ARIH2: variants seen among roughly 807,000 people sequenced by gnomAD.
ARIH2 encodes E3 ubiquitin-protein ligase ARIH2.
ARIH2 carries 12 observed loss-of-function variants against 79.8 expected under a neutral mutation model. The ratio of observed to expected loss-of-function variants is 0.15; its 90% CI spans 0.10 to 0.24. ARIH2 has a LOEUF of 0.24. Ranked by LOEUF, ARIH2 falls within the 10% of genes least tolerant of loss-of-function variation. The probability of loss-of-function intolerance (pLI) is 1.00; values close to 1 mark genes in which losing one functional copy is unlikely to be tolerated. For missense variants in ARIH2, 301 were observed against 618.3 expected, an observed-to-expected ratio of 0.49 and a Z score of 5.44; for synonymous variants, 224 against 213.9, an observed-to-expected ratio of 1.05 and a Z score of -0.41.
At chr3:48,931,353 G>A (rs2086328353) in intron 3 of ARIH2, among the ~76,000 whole-genome samples, 1 of 151,602 alleles carries the variant, frequency 6.6e-6, no homozygotes. Flanking sequence ...AGATCATCCT[G>A]GCTAACACGG....
chr3:48,974,143 C>T (rs1178309129), intron 9 of ARIH2, among the ~76,000 whole-genome samples: 1 of 152,178 alleles, frequency 6.6e-6, no homozygotes, highest in Non-Finnish European at 1.5e-5. Flanking sequence ...AATAGCCACA[C>T]TTGATACATA....
intron 7 of ARIH2, 26 bp from the exon 8 acceptor site, chr3:48,970,569 A>T (rs753199645): frequency 6.6e-7 from 1 of 1,505,368 alleles, no homozygotes; most frequent in Non-Finnish European, 9.2e-7. Flanking sequence ...AGATGTCCTC[A>T]TTGTTTCCTC....
At position 48,974,448 on chromosome 3, in the gene ARIH2, T is replaced by G. The variant is rs151290953; in HGVS notation, c.889-369T>G. 1.7e-3 allele frequency among the ~76,000 whole-genome samples: 256 copies of G among 152,332 alleles called. 1 individual carries two copies. Among genetic ancestry groups the G allele is most frequent in the Non-Finnish European group, 3.1e-3 (209 of 68,030 alleles). On this transcript the variant is annotated intron_variant, in intron 9 of 15. Coordinates refer to ENST00000356401, the MANE Select transcript of ARIH2 (RefSeq NM_006321.4). Reference sequence around the variant, plus strand: ...CTTGCCCTCTTCTCGAAGCAGAAGTTCAGGCAAGCTGACCAGGACTGAATC... The same window carrying G: ...CTTGCCCTCTTCTCGAAGCAGAAGTGCAGGCAAGCTGACCAGGACTGAATC...
rs533938477 is a variant in ARIH2, at chr3:48,925,801, C to T, written c.-97-1661C>T. Reference sequence around the variant, plus strand: ...TGGCGGGATCTCGGCTCACTGCAACCTCCGACTCCCTCGTTCAAGTGATTC... The same window carrying T: ...TGGCGGGATCTCGGCTCACTGCAACTTCCGACTCCCTCGTTCAAGTGATTC... On this transcript the variant is annotated intron_variant, in intron 2 of 15. Transcript: ENST00000356401. Among the ~76,000 whole-genome samples, 697 of 151,708 alleles carry T rather than the reference C, an allele frequency of 4.6e-3. 4 individuals carry two copies. The highest frequency in any genetic ancestry group is 7.8e-3 in the Non-Finnish European group (529 of 67,954).
chr3:48,939,630 C>A (rs1305162654), intron 3 of ARIH2, among the ~76,000 whole-genome samples: 2 of 150,898 alleles, frequency 1.3e-5, no homozygotes, highest in Non-Finnish European at 3.0e-5. Flanking sequence ...TGGTGGTGGG[C>A]GCCTGTAGTC....
intron 3 of ARIH2, among the ~76,000 whole-genome samples, chr3:48,937,288 T>C (rs1013568037): frequency 5.3e-5 from 8 of 152,212 alleles, no homozygotes; most frequent in Non-Finnish European, 1.0e-4. Context: ...CTTGCCTCTT[T>C]TTACAAGAAA....
At position 48,967,149 on chromosome 3, in the gene ARIH2, C is replaced by A; in HGVS notation, c.412C>A (p.His138Asn). The change falls in exon 6 of 16, where the codon CAC (histidine) becomes AAC (asparagine). Residue 138 changes from histidine to asparagine, a missense_variant. Physicochemically the swap from His to Asn is moderately conservative, Grantham distance 68. Around this residue, in one of 2 missense-constraint regions of ARIH2, gnomAD observed 223 missense variants for 349.4 expected, o/e 0.64. Coordinates refer to ENST00000356401, the MANE Select transcript of ARIH2 (RefSeq NM_006321.4). ...GGTTCCCACATCCCATCCCCCTCACCACTGTGCAGTGTGTATGCAGTTTGT... is the reference window on the plus strand; with the variant it reads ...GGTTCCCACATCCCATCCCCCTCACAACTGTGCAGTGTGTATGCAGTTTGT... ...KHVPTSHPPH[H>N]CAVCMQFVRK... 1 of 1,614,148 alleles carries A rather than the reference C, an allele frequency of 6.2e-7. No individual in the cohort carries two copies. The highest frequency in any genetic ancestry group is 1.1e-5 in the South Asian group (1 of 91,074).
chr3:48,983,105 C>A, intron 15 of ARIH2, 94 bp from the exon 16 acceptor site: 2 of 1,532,220 alleles, frequency 1.3e-6, no homozygotes, highest in Non-Finnish European at 1.8e-6. Flanking sequence ...GTGTTTTTGA[C>A]TCCTTGGAGG....
intron 9 of ARIH2, 28 bp downstream of exon 9, chr3:48,973,844 AT>A (rs780601089): frequency 6.4e-6 from 10 of 1,552,264 alleles, no homozygotes; most frequent in Non-Finnish European, 8.9e-6. Flanking sequence ...CCTCTCATGG[AT>A]TTGCCCTCCT....
chr3:48,978,395 T>C (rs982416546), intron 11 of ARIH2, among the ~76,000 whole-genome samples: 1 of 148,408 alleles, frequency 6.7e-6, no homozygotes, highest in Non-Finnish European at 1.5e-5. Flanking sequence ...TACTGGCATG[T>C]GCCACCACAC....
At chr3:48,949,217 A>G (rs574947992) in intron 3 of ARIH2, 254 of 411,144 alleles carry the variant, frequency 6.2e-4, no homozygotes, top group Non-Finnish European at 1.6e-4. Context: ...TCCTGGGTTC[A>G]TGGCATTCTC....
chr3:48,946,452 G>A (rs1370351942), intron 3 of ARIH2, among the ~76,000 whole-genome samples: 1 of 150,550 alleles, frequency 6.6e-6, no homozygotes, highest in Non-Finnish European at 1.5e-5. Flanking sequence ...GCATTTTAGA[G>A]TTTCAGTCAA....
chr3:48,978,483 A>ATTTTT (rs58279033), intron 11 of ARIH2, among the ~76,000 whole-genome samples: 5 of 40,442 alleles, frequency 1.2e-4, no homozygotes, highest in African/African-American at 2.9e-4. Flanking sequence ...ATATATATAT[A>ATTTTT]TTTTTTTTTT....
At chr3:48,976,550 TAGAC>T (rs1424887464) in intron 11 of ARIH2, among the ~76,000 whole-genome samples, 2 of 152,252 alleles carry the variant, frequency 1.3e-5, no homozygotes, top group East Asian at 3.9e-4. Flanking sequence ...GCCAGGATCT[TAGAC>T]AGCAACATTG....
rs1206015333 is a variant in ARIH2, at chr3:48,984,720, A to G, written c.*1450A>G. On this transcript the variant is annotated 3_prime_UTR_variant, in exon 16 of 16. Transcript: ENST00000356401. ...CCTGCTTGACCTCCAAGTAGAGCTG[A>G]TACAGAGATCTGTGAATATTGTGAT... 6.6e-6 allele frequency: 1 copy of G among 152,226 alleles called. No homozygotes were observed. The highest frequency in any genetic ancestry group is 1.5e-5 in the Non-Finnish European group (1 of 68,054). 9.4% of individuals were successfully genotyped at this position (152,226 alleles called of 1,614,324 possible).
At chr3:48,933,364 T>C (rs1243355671) in intron 3 of ARIH2, among the ~76,000 whole-genome samples, 1 of 151,198 alleles carries the variant, frequency 6.6e-6, no homozygotes, top group African/African-American at 2.4e-5. Context: ...GGTTTTGCCA[T>C]GTTACCCAGG....
chr3:48,981,958 A>C (rs1347576582), intron 14 of ARIH2, among the ~76,000 whole-genome samples: 6 of 152,230 alleles, frequency 3.9e-5, no homozygotes, highest in Admixed American at 6.5e-5. Context: ...GAACAACTGT[A>C]TTTAAAGGGC....
At chr3:48,962,666 C>T (rs529035234) in intron 4 of ARIH2, among the ~76,000 whole-genome samples, 10 of 152,054 alleles carry the variant, frequency 6.6e-5, no homozygotes, top group Non-Finnish European at 1.2e-4. Flanking sequence ...TTGTGGGGGG[C>T]CTGATCTGTG....
At chr3:48,925,168 C>T (rs2085385498) in intron 2 of ARIH2, 1 of 150,424 alleles carries the variant, frequency 6.6e-6, no homozygotes, top group Non-Finnish European at 1.5e-5. Context: ...GCCTGGAGTG[C>T]AGTGGCGCGA....
Sources: gnomAD v4.1 joint callset for allele counts (sites outside exome capture counted in the v4.1 genomes callset) on GRCh38, gnomAD v4.1.1 for gene constraint, gnomAD v4.1.1 regional missense constraint, MANE v1.5 for transcripts, NCBI Gene and HGNC (gene_info 2026-07-23, HGNC 2026-07-21) for gene names.